TSNAX: variants seen among roughly 807,000 people sequenced by gnomAD.
TSNAX encodes the protein translin associated factor X.
Under a neutral mutation model 33.0 loss-of-function variants are expected in TSNAX, and 12 were observed. The observed-to-expected ratio is 0.36, with a 90% CI of 0.23 to 0.59. The LOEUF is 0.59. Ranked by LOEUF, TSNAX falls within the 20% of genes least tolerant of loss-of-function variation. TSNAX has a pLI of 0.74. For missense variants in TSNAX, 267 were observed against 341.3 expected (o/e 0.78, Z 1.72); for synonymous variants, 110 against 117.2 (o/e 0.94, Z 0.40).
chr1:231,556,516 T>TA (rs201789624), intron 4 of TSNAX, among the ~76,000 whole-genome samples: 2,081 of 152,360 alleles, frequency 0.014, 58 homozygotes, highest in African/African-American at 0.047. Context: ...TATGAAATAA[T>TA]ACTAAATTTA....
In TSNAX at chr1:231,565,466, C is replaced by G. The variant is rs552353233; in HGVS notation, c.*561C>G. ...TTAGGCTGGGCGTGGTGGCTCACGC[C>G]TGTAATCCCAGCACTTTGGGAGGCC... On this transcript the variant is annotated 3_prime_UTR_variant, in exon 6 of 6. Transcript: ENST00000366639. 6.5e-6 allele frequency: 1 copy of G among 152,828 alleles called. No homozygotes were observed. Among genetic ancestry groups the G allele is most frequent in the African/African-American group, 2.4e-5 (1 of 41,572 alleles). 9.5% of individuals were successfully genotyped at this position (152,828 alleles called of 1,614,324 possible). A position where few individuals can be genotyped will look rare whatever the true frequency, so the allele number is the denominator to read the frequency against.
chr1:231,551,787 C>T (rs1211419468), intron 4 of TSNAX, among the ~76,000 whole-genome samples: 3 of 136,110 alleles, frequency 2.2e-5, no homozygotes, highest in Admixed American at 1.5e-4. Context: ...AACCCTGTCT[C>T]TACAAAAAAG....
chr1:231,553,860 A>G (rs1000226260), intron 4 of TSNAX, among the ~76,000 whole-genome samples: 1 of 151,584 alleles, frequency 6.6e-6, no homozygotes, highest in Non-Finnish European at 1.5e-5. Flanking sequence ...CTAATTTTGT[A>G]TTTTTAGTAG....
chr1:231,551,733 C>A (rs4658923), intron 4 of TSNAX, among the ~76,000 whole-genome samples: 31,601 of 148,772 alleles, frequency 0.21, 3,617 homozygotes, highest in Admixed American at 0.29. Flanking sequence ...TTTGGGAGGT[C>A]ATGGTGGGAG....
Position 231,548,631 on chromosome 1 carries a change from T to C in TSNAX, c.367+6020T>C, listed in dbSNP as rs1384702417. Reference sequence around the variant, plus strand: ...TAGGGATGCCTTTAGGTTTCTGGTTTGGCCAACTGGATGAATAGGAATGTT... The same window carrying C: ...TAGGGATGCCTTTAGGTTTCTGGTTCGGCCAACTGGATGAATAGGAATGTT... On this transcript the variant is annotated intron_variant, in intron 4 of 5. Coordinates refer to ENST00000366639, the MANE Select transcript of TSNAX (RefSeq NM_005999.3). 3.3e-5 allele frequency among the ~76,000 whole-genome samples: 5 copies of C among 152,358 alleles called. No individual in the cohort carries two copies. The South Asian group carries it at 1.0e-3, about 32-fold the overall frequency.
intron 4 of TSNAX, among the ~76,000 whole-genome samples, chr1:231,544,947 C>T (rs973735739): frequency 2.6e-5 from 4 of 152,012 alleles, no homozygotes; most frequent in East Asian, 3.9e-4. Context: ...TTTAGGCCTT[C>T]GTTTATGATT....
At chr1:231,563,080 T>C (rs201236425) in intron 5 of TSNAX, among the ~76,000 whole-genome samples, 331 of 152,336 alleles carry the variant, frequency 2.2e-3, no homozygotes, top group Middle Eastern at 0.01. Flanking sequence ...TTAATAAAGC[T>C]GTCTCCCTTG....
At chr1:231,530,465 CGGG>C (rs375586644) in intron 2 of TSNAX, among the ~76,000 whole-genome samples, 106 of 152,048 alleles carry the variant, frequency 7.0e-4, no homozygotes, top group Middle Eastern at 6.8e-3. Context: ...GAGGCCGAGG[CGGG>C]GGGATCACGA....
chr1:231,535,930 G>A (rs1572103831), intron 2 of TSNAX: 1 of 152,294 alleles, frequency 6.6e-6, no homozygotes, highest in South Asian at 2.1e-4. Context: ...AATTCTATGT[G>A]GAAGTGTTGA....
At chr1:231,553,309 A>G (rs1007922124) in intron 4 of TSNAX, among the ~76,000 whole-genome samples, 1 of 152,362 alleles carries the variant, frequency 6.6e-6, no homozygotes, top group East Asian at 1.9e-4. Context: ...AAAAATAATC[A>G]GAAGCCTTTA....
At chr1:231,551,619 T>TA (rs1214316217) in intron 4 of TSNAX, among the ~76,000 whole-genome samples, 1 of 151,800 alleles carries the variant, frequency 6.6e-6, no homozygotes, top group Non-Finnish European at 1.5e-5. Flanking sequence ...TCATTTTGGA[T>TA]AAAAACTCAG....
intron 4 of TSNAX, among the ~76,000 whole-genome samples, chr1:231,544,189 T>G (rs898388160): frequency 6.6e-6 from 1 of 152,200 alleles, no homozygotes; most frequent in African/African-American, 2.4e-5. Context: ...TCTTAGTTTC[T>G]GGAAAGTGCT....
chr1:231,549,821 C>T (rs116059892), intron 4 of TSNAX, among the ~76,000 whole-genome samples: 3,371 of 152,260 alleles, frequency 0.022, 128 homozygotes, highest in African/African-American at 0.077. Flanking sequence ...TGCACCGATT[C>T]CAAGATACTA....
chr1:231,555,640 A>T (rs1660640346), intron 4 of TSNAX, among the ~76,000 whole-genome samples: 1 of 152,240 alleles, frequency 6.6e-6, no homozygotes, highest in African/African-American at 2.4e-5. Flanking sequence ...AAATCAAACG[A>T]ATTCTAACCA....
chr1:231,554,739 C>T (rs900771628), intron 4 of TSNAX: 22 of 152,010 alleles, frequency 1.4e-4, no homozygotes, highest in Admixed American at 1.3e-3. Context: ...AAAAGCTGAA[C>T]CAGGAATTTA....
At chr1:231,535,067 A>G (rs1659072526) in intron 2 of TSNAX, 1 of 152,216 alleles carries the variant, frequency 6.6e-6, no homozygotes, top group Non-Finnish European at 1.5e-5. Flanking sequence ...AAGCTTAGAG[A>G]ATCAGGACTA....
rs1208183087 is a variant in TSNAX, at chr1:231,542,914, C to T, written c.367+303C>T. 4 of 177,978 alleles carry T rather than the reference C, an allele frequency of 2.2e-5. No homozygotes were observed. The East Asian group carries it at 6.2e-4, about 27-fold the overall frequency. 11.0% of individuals were successfully genotyped at this position (177,978 alleles called of 1,614,324 possible). A position where few individuals can be genotyped will look rare whatever the true frequency, so the allele number is the denominator to read the frequency against. ...GACAGGGCACATCTCAGTGGTGGCT[C>T]ACGCCTGTAATCCCAGCACTTTGGA... On this transcript the variant is annotated intron_variant, in intron 4 of 5. Transcript: ENST00000366639.
chr1:231,550,127 C>G (rs1660204655), intron 4 of TSNAX, among the ~76,000 whole-genome samples: 3 of 152,120 alleles, frequency 2.0e-5, no homozygotes, highest in Non-Finnish European at 4.4e-5. Flanking sequence ...TAACTTAATC[C>G]CCTCTTTAAA....
intron 3 of TSNAX, among the ~76,000 whole-genome samples, chr1:231,537,889 G>A (rs924427314): frequency 6.6e-5 from 10 of 152,106 alleles, no homozygotes; most frequent in Admixed American, 2.0e-4. Context: ...GATTGTTAGA[G>A]CCTGTTACAT....
Sources: allele counts gnomAD v4.1 joint callset (sites outside exome capture counted in the v4.1 genomes callset), GRCh38; gene constraint gnomAD v4.1.1; transcripts MANE v1.5; gene names NCBI Gene and HGNC (gene_info 2026-07-23, HGNC 2026-07-21).